FOXP2: variants seen among roughly 807,000 people sequenced by gnomAD.
FOXP2 encodes the protein forkhead box P2, also known as forkhead box protein P2.
Under a neutral mutation model 115.8 loss-of-function variants are expected in FOXP2, and 12 were observed. The ratio of observed to expected loss-of-function variants is 0.10; its 90% CI spans 0.07 to 0.17. The LOEUF is 0.17. Among genes scored for constraint, FOXP2 ranks in the 10% least tolerant of loss-of-function variants. FOXP2 has a pLI of 1.00. For synonymous variants in FOXP2, 328 were observed against 297.7 expected, an observed-to-expected ratio of 1.10 and a Z score of -1.05; for missense variants, 629 against 843.5, an observed-to-expected ratio of 0.75 and a Z score of 3.15.
chr7:114,576,260 CT>C (rs964860912), intron 3 of FOXP2, among the ~76,000 whole-genome samples: 5 of 151,832 alleles, frequency 3.3e-5, no homozygotes, highest in African/African-American at 4.8e-5. Context: ...CTTGATTAAT[CT>C]TTTTTTCTAC....
intron 3 of FOXP2, among the ~76,000 whole-genome samples, chr7:114,553,840 C>T (rs1197015965): frequency 6.6e-6 from 1 of 151,992 alleles, no homozygotes; most frequent in Non-Finnish European, 1.5e-5. Context: ...CAAAAAGATA[C>T]CACAATGATC....
chr7:114,206,141 C>T (rs1192549649), intron 1 of FOXP2, among the ~76,000 whole-genome samples: 1 of 152,154 alleles, frequency 6.6e-6, no homozygotes, highest in Non-Finnish European at 1.5e-5. Flanking sequence ...CTATTTCCAT[C>T]CTTGCCCTCA....
chr7:114,524,233 C>G (rs1450520456), intron 2 of FOXP2, among the ~76,000 whole-genome samples: 1 of 151,824 alleles, frequency 6.6e-6, no homozygotes, highest in Non-Finnish European at 1.5e-5. Flanking sequence ...TTAATAATTT[C>G]AGAGACACTT....
At chr7:114,604,218 G>T (rs1195872236) in intron 3 of FOXP2, among the ~76,000 whole-genome samples, 1 of 152,144 alleles carries the variant, frequency 6.6e-6, no homozygotes, top group Admixed American at 6.6e-5. Flanking sequence ...CTGGCAAAAA[G>T]AGAACTGGAG....
intron 1 of FOXP2, among the ~76,000 whole-genome samples, chr7:114,168,770 C>A (rs1175632871): frequency 1.3e-5 from 2 of 152,158 alleles, no homozygotes; most frequent in Non-Finnish European, 2.9e-5. Flanking sequence ...GGCATCCCCT[C>A]CCCCTAGGCC....
chr7:114,655,068 T>A lies in FOXP2; in HGVS notation c.1266+1059T>A, dbSNP rs549937746. ...TTTATAGGAAGAAAAAAGACATGTA[T>A]CTTTTTGAATCTGACATACTACTTT... On this transcript the variant is annotated intron_variant, in intron 10 of 16. Coordinates refer to ENST00000350908, the MANE Select transcript of FOXP2 (RefSeq NM_014491.4). 1.4e-3 allele frequency among the ~76,000 whole-genome samples: 210 copies of A among 152,300 alleles called. 1 individual carries two copies. Among genetic ancestry groups the A allele is most frequent in the African/African-American group, 4.8e-3 (199 of 41,578 alleles).
intron 16 of FOXP2, among the ~76,000 whole-genome samples, chr7:114,673,317 G>T (rs367667715): frequency 6.6e-6 from 1 of 152,204 alleles, no homozygotes; most frequent in Admixed American, 6.5e-5. Context: ...CAACTAATTT[G>T]TGTCTGAGAT....
intron 1 of FOXP2, among the ~76,000 whole-genome samples, chr7:114,175,016 C>T (rs1466711436): frequency 6.6e-6 from 1 of 151,978 alleles, no homozygotes; most frequent in Non-Finnish European, 1.5e-5. Flanking sequence ...ATTGGCTGCT[C>T]TCAGACACTA....
chr7:114,597,083 C>A (rs756703794), intron 3 of FOXP2, among the ~76,000 whole-genome samples: 1 of 151,990 alleles, frequency 6.6e-6, no homozygotes, highest in Admixed American at 6.6e-5. Flanking sequence ...TCTCAATGCT[C>A]ATTTTTTATG....
intron 2 of FOXP2, among the ~76,000 whole-genome samples, chr7:114,448,335 A>T (rs902400326): frequency 6.6e-6 from 1 of 152,112 alleles, no homozygotes; most frequent in Non-Finnish European, 1.5e-5. Context: ...TAGACTTTAT[A>T]TCTCCTTTGA....
chr7:114,270,757 G>A (rs1796014735), intron 1 of FOXP2, among the ~76,000 whole-genome samples: 1 of 151,932 alleles, frequency 6.6e-6, no homozygotes, highest in Non-Finnish European at 1.5e-5. Flanking sequence ...CCATTCTGTG[G>A]CTTATCTTCC....
intron 2 of FOXP2, among the ~76,000 whole-genome samples, chr7:114,347,199 G>T (rs962031882): frequency 1.3e-5 from 2 of 151,786 alleles, no homozygotes; most frequent in African/African-American, 4.8e-5. Context: ...CCTATAAACA[G>T]TTTATATATA....
At chr7:114,631,154 T>G in intron 5 of FOXP2, 1 of 292,978 alleles carries the variant, frequency 3.4e-6, no homozygotes, top group Non-Finnish European at 6.6e-6. Flanking sequence ...TCAAACTTAT[T>G]CAATTGGAAA....
intron 1 of FOXP2, among the ~76,000 whole-genome samples, chr7:114,266,570 A>G (rs1795900478): frequency 6.6e-6 from 1 of 152,116 alleles, no homozygotes; most frequent in African/African-American, 2.4e-5. Flanking sequence ...ATGAGAACTC[A>G]CTCAGTGTCT....
At chr7:114,440,593 A>G (rs920965380) in intron 2 of FOXP2, among the ~76,000 whole-genome samples, 3 of 152,214 alleles carry the variant, frequency 2.0e-5, no homozygotes, top group Non-Finnish European at 4.4e-5. Flanking sequence ...CTTCAATAAA[A>G]CTAATTCAGA....
At chr7:114,495,171 G>A (rs1797250700) in intron 2 of FOXP2, among the ~76,000 whole-genome samples, 1 of 152,140 alleles carries the variant, frequency 6.6e-6, no homozygotes, top group Admixed American at 6.6e-5. Flanking sequence ...AGTTAAATTT[G>A]ATGTGCACTA....
upstream of FOXP2, among the ~76,000 whole-genome samples, chr7:114,409,658 CCTT>C (rs1332649425): frequency 2.0e-5 from 3 of 152,052 alleles, no homozygotes; most frequent in Non-Finnish European, 2.9e-5. Context: ...CTCAGTTTCT[CCTT>C]CTATAAAATG....
At chr7:114,122,509 G>A (rs1791593466) in intron 1 of FOXP2, among the ~76,000 whole-genome samples, 1 of 147,294 alleles carries the variant, frequency 6.8e-6, no homozygotes, top group African/African-American at 2.5e-5. Flanking sequence ...TTCTGGTCTT[G>A]CTTTTCCATT....
chr7:114,463,965 A>T (rs934911641), intron 2 of FOXP2, among the ~76,000 whole-genome samples: 15 of 152,252 alleles, frequency 9.9e-5, no homozygotes, highest in East Asian at 1.9e-4. Context: ...ATTTTTTTTT[A>T]AATCAGAAAG....
Sources: allele counts gnomAD v4.1 joint callset (sites outside exome capture counted in the v4.1 genomes callset), GRCh38; gene constraint gnomAD v4.1.1; transcripts MANE v1.5; gene names NCBI Gene and HGNC (gene_info 2026-07-23, HGNC 2026-07-21).